Variants in ADAMTSL1 observed in about 807,000 individuals in gnomAD.
ADAMTSL1 encodes the protein ADAMTS-like protein 1.
A neutral mutation model predicts 201.8 loss-of-function variants in ADAMTSL1; 126 were observed. The ratio of observed to expected loss-of-function variants is 0.62; its 90% CI spans 0.54 to 0.72. The LOEUF (loss-of-function observed/expected upper bound fraction) is 0.72, where lower values mean the gene tolerates loss of function less well. Ranked by LOEUF, ADAMTSL1 falls within the 30% of genes least tolerant of loss-of-function variation. ADAMTSL1 has a pLI of 0.00. For missense variants in ADAMTSL1, 2,679 were observed against 2,277.8 expected, an observed-to-expected ratio of 1.18 and a Z score of -3.59; for synonymous variants, 1,121 against 903.4, an observed-to-expected ratio of 1.24 and a Z score of -4.32.
intron 23 of ADAMTSL1, among the ~76,000 whole-genome samples, chr9:18,847,788 G>T (rs1361786106): frequency 1.3e-5 from 2 of 152,246 alleles, no homozygotes; most frequent in Non-Finnish European, 2.9e-5. Context: ...GTAACAGAGG[G>T]AGTACACAGA....
chr9:17,959,357 T>C (rs934026687), intron 1 of ADAMTSL1, among the ~76,000 whole-genome samples: 3 of 152,228 alleles, frequency 2.0e-5, no homozygotes, highest in Non-Finnish European at 4.4e-5. Context: ...GCTGATGCTA[T>C]AGAAATAGAT....
chr9:18,545,824 G>A (rs549108023), intron 3 of ADAMTSL1, among the ~76,000 whole-genome samples: 3 of 152,252 alleles, frequency 2.0e-5, no homozygotes, highest in East Asian at 1.9e-4. Flanking sequence ...AAGGCCCTAC[G>A]GAATGAAACC....
intron 2 of ADAMTSL1, among the ~76,000 whole-genome samples, chr9:18,224,504 T>G (rs1330211880): frequency 6.6e-6 from 1 of 152,130 alleles, no homozygotes; most frequent in African/African-American, 2.4e-5. Context: ...ACAAAAATAT[T>G]CACATCATAA....
chr9:18,263,431 C>T (rs1395523474), intron 2 of ADAMTSL1, among the ~76,000 whole-genome samples: 1 of 152,164 alleles, frequency 6.6e-6, no homozygotes, highest in Non-Finnish European at 1.5e-5. Flanking sequence ...CCGTGTGCCT[C>T]TTCAATGTTG....
intron 15 of ADAMTSL1, among the ~76,000 whole-genome samples, chr9:18,727,829 C>T (rs1363997878): frequency 2.0e-5 from 3 of 152,110 alleles, no homozygotes; most frequent in African/African-American, 4.8e-5. Context: ...CCTGTAATCC[C>T]AGCATTTTGG....
At chr9:18,197,507 T>C (rs1829232519) in intron 2 of ADAMTSL1, among the ~76,000 whole-genome samples, 1 of 105,982 alleles carries the variant, frequency 9.4e-6, no homozygotes, top group Non-Finnish European at 1.9e-5. Context: ...TAAGAATGCT[T>C]GTGATTTTTG....
chr9:18,089,790 T>A (rs2131809440), intron 1 of ADAMTSL1, among the ~76,000 whole-genome samples: 1 of 152,302 alleles, frequency 6.6e-6, no homozygotes, highest in Non-Finnish European at 1.5e-5. Flanking sequence ...TGATAGAATA[T>A]ACTTTCAGTC....
At position 18,814,220 on chromosome 9, in the gene ADAMTSL1, G is replaced by A. The variant is rs74337058; in HGVS notation, c.3806-2889G>A. On this transcript the variant is annotated intron_variant, in intron 20 of 28. Transcript: ENST00000380548. ...GATCTGCGTATGTTGAACCATCCTT[G>A]TGTCTGTAGGATGAAACTTCTTCAT... Among the ~76,000 whole-genome samples, 1,021 of 152,276 alleles carry A rather than the reference G, an allele frequency of 6.7e-3. 10 individuals carry two copies. The highest frequency in any genetic ancestry group is 0.023 in the African/African-American group (955 of 41,548).
At chr9:18,422,239 C>T (rs1818988654) in intron 2 of ADAMTSL1, among the ~76,000 whole-genome samples, 1 of 152,070 alleles carries the variant, frequency 6.6e-6, no homozygotes, top group Non-Finnish European at 1.5e-5. Flanking sequence ...GGATGTTTGC[C>T]ACTTTGTAAA....
At chr9:18,882,567 C>A (rs1828597115) in intron 23 of ADAMTSL1, among the ~76,000 whole-genome samples, 1 of 152,130 alleles carries the variant, frequency 6.6e-6, no homozygotes, top group Admixed American at 6.5e-5. Flanking sequence ...GGACTGACTT[C>A]TCTCCCCAAG....
chr9:18,867,447 G>A (rs187297607), intron 23 of ADAMTSL1, among the ~76,000 whole-genome samples: 20 of 151,854 alleles, frequency 1.3e-4, no homozygotes. Flanking sequence ...CAGTGCAAAT[G>A]TGTTTTTCTT....
chr9:17,971,625 T>A (rs1818209251), intron 1 of ADAMTSL1, among the ~76,000 whole-genome samples: 1 of 152,012 alleles, frequency 6.6e-6, no homozygotes, highest in African/African-American at 2.4e-5. Flanking sequence ...TGTCAACAGC[T>A]GTTATAAAAT....
At chr9:18,782,049 T>C (rs926512276) in intron 19 of ADAMTSL1, among the ~76,000 whole-genome samples, 1 of 152,226 alleles carries the variant, frequency 6.6e-6, no homozygotes, top group Non-Finnish European at 1.5e-5. Flanking sequence ...TAGTGTGTTA[T>C]GACTGGCTGG....
chr9:18,056,918 A>C (rs1401848554), intron 1 of ADAMTSL1, among the ~76,000 whole-genome samples: 2 of 152,078 alleles, frequency 1.3e-5, no homozygotes, highest in Non-Finnish European at 2.9e-5. Flanking sequence ...GGAGCCTTAA[A>C]ATATTAGACC....
intron 15 of ADAMTSL1, among the ~76,000 whole-genome samples, chr9:18,731,575 G>C (rs898323359): frequency 1.3e-5 from 2 of 152,070 alleles, no homozygotes. Context: ...AGGCTGCAGT[G>C]AGCCGTGAGT....
intron 10 of ADAMTSL1, among the ~76,000 whole-genome samples, chr9:18,679,509 G>A (rs762739665): frequency 2.6e-5 from 4 of 151,996 alleles, no homozygotes; most frequent in Non-Finnish European, 4.4e-5. Context: ...AAAATCAATG[G>A]AAGTCTCTTA....
At chr9:18,087,119 C>T (rs969806496) in intron 1 of ADAMTSL1, among the ~76,000 whole-genome samples, 3 of 152,114 alleles carry the variant, frequency 2.0e-5, no homozygotes, top group African/African-American at 4.8e-5. Context: ...GTTGTATTAA[C>T]TTTATTTTTG....
rs886321388 is a variant in ADAMTSL1, at chr9:18,820,195, A to T, written c.3934+2958A>T. Among the ~76,000 whole-genome samples, 6 of 152,344 alleles carry T rather than the reference A, an allele frequency of 3.9e-5. No homozygotes were observed. The East Asian group carries it at 1.2e-3, about 29-fold the overall frequency. ...TATGTCATATTCATTCATGTTATTCATTTAGCAGTTTTTTATGGAGTATTT... is the reference window on the plus strand; with the variant it reads ...TATGTCATATTCATTCATGTTATTCTTTTAGCAGTTTTTTATGGAGTATTT... On this transcript the variant is annotated intron_variant, in intron 21 of 28. Transcript: ENST00000380548.
chr9:18,146,341 A>G (rs1826638840), intron 1 of ADAMTSL1, among the ~76,000 whole-genome samples: 1 of 152,216 alleles, frequency 6.6e-6, no homozygotes. Context: ...AAATCGCAAG[A>G]AACCAAAATA....
Sources: allele counts gnomAD v4.1 joint callset (sites outside exome capture counted in the v4.1 genomes callset), GRCh38; gene constraint gnomAD v4.1.1; transcripts MANE v1.5; gene names NCBI Gene and HGNC (gene_info 2026-07-23, HGNC 2026-07-21).